RBFOX1: variants seen among roughly 807,000 people sequenced by gnomAD.
RBFOX1 encodes the protein RNA binding fox-1 homolog 1, also known as RNA binding protein fox-1 homolog 1.
Under a neutral mutation model 57.7 loss-of-function variants are expected in RBFOX1, and 8 were observed. The ratio of observed to expected loss-of-function variants is 0.14; its 90% CI spans 0.08 to 0.25. The LOEUF is 0.25. Among genes scored for constraint, RBFOX1 ranks in the 10% least tolerant of loss-of-function variants. RBFOX1 has a pLI of 1.00. For synonymous variants in RBFOX1, 326 were observed against 222.4 expected (o/e 1.47, Z -4.15); for missense variants, 611 against 548.5 (o/e 1.11, Z -1.14).
chr16:6,924,942 GT>G (rs2075264853), intron 3 of RBFOX1, among the ~76,000 whole-genome samples: 1 of 147,848 alleles, frequency 6.8e-6, no homozygotes, highest in African/African-American at 2.5e-5. Flanking sequence ...GCGGTGTTTG[GT>G]TTTTTGCCCT....
At chr16:6,922,302 C>A (rs368797421) in intron 3 of RBFOX1, among the ~76,000 whole-genome samples, 1 of 152,088 alleles carries the variant, frequency 6.6e-6, no homozygotes, top group African/African-American at 2.4e-5. Flanking sequence ...TTGGAAAGCA[C>A]TGGTTTTCAG....
chr16:7,642,497 C>T (rs573968567), intron 11 of RBFOX1, among the ~76,000 whole-genome samples: 93 of 152,202 alleles, frequency 6.1e-4, no homozygotes, highest in African/African-American at 2.1e-3. Flanking sequence ...CTGCGTCAGC[C>T]CAAGAGAACC....
intron 3 of RBFOX1, among the ~76,000 whole-genome samples, chr16:6,701,038 G>T (rs182015999): frequency 3.3e-5 from 5 of 152,212 alleles, no homozygotes; most frequent in Admixed American, 1.3e-4. Context: ...TGGGCAGAGG[G>T]GGGGGTGAGT....
At chr16:7,025,816 G>A (rs997459964) in intron 3 of RBFOX1, among the ~76,000 whole-genome samples, 1 of 152,120 alleles carries the variant, frequency 6.6e-6, no homozygotes, top group South Asian at 2.1e-4. Context: ...TCAAACTGGA[G>A]CAGCCATATC....
At chr16:5,533,443 C>T (rs925464253) in intron 2 of RBFOX1, among the ~76,000 whole-genome samples, 19 of 152,128 alleles carry the variant, frequency 1.2e-4, no homozygotes, top group African/African-American at 4.3e-4. Flanking sequence ...TGCAGGCACA[C>T]TGAGAGGGGT....
At chr16:6,751,725 C>T (rs987948025) in intron 3 of RBFOX1, among the ~76,000 whole-genome samples, 9 of 152,096 alleles carry the variant, frequency 5.9e-5, no homozygotes, top group African/African-American at 1.9e-4. Flanking sequence ...GAGCCAGAAG[C>T]GGCATTTCCA....
At chr16:6,352,934 G>A (rs1469677581) in intron 2 of RBFOX1, among the ~76,000 whole-genome samples, 2 of 152,170 alleles carry the variant, frequency 1.3e-5, no homozygotes, top group African/African-American at 4.8e-5. Flanking sequence ...TTTAAAGCGG[G>A]AGAGTGGTTC....
intron 3 of RBFOX1, among the ~76,000 whole-genome samples, chr16:5,637,765 C>G (rs533115120): frequency 4.6e-5 from 7 of 152,250 alleles, no homozygotes; most frequent in Non-Finnish European, 7.4e-5. Context: ...AGAGAGCTCA[C>G]ATTCCCATGC....
At chr16:5,669,384 G>A (rs560944993) in intron 3 of RBFOX1, among the ~76,000 whole-genome samples, 30 of 149,968 alleles carry the variant, frequency 2.0e-4, no homozygotes, top group African/African-American at 6.4e-4. Flanking sequence ...AAACCCACCC[G>A]TAGAGCAGTC....
intron 2 of RBFOX1, among the ~76,000 whole-genome samples, chr16:6,519,202 G>C (rs901337006): frequency 6.6e-6 from 1 of 152,060 alleles, no homozygotes; most frequent in Non-Finnish European, 1.5e-5. Flanking sequence ...AATGGAATTG[G>C]TAATACCTGC....
intron 3 of RBFOX1, among the ~76,000 whole-genome samples, chr16:7,040,089 C>T (rs571342973): frequency 7.2e-4 from 110 of 151,880 alleles, no homozygotes; most frequent in Non-Finnish European, 1.4e-3. Flanking sequence ...GACATGATCT[C>T]AGCTCACTGC....
intron 4 of RBFOX1, among the ~76,000 whole-genome samples, chr16:7,322,211 A>G (rs1200286625): frequency 2.6e-5 from 4 of 152,204 alleles, no homozygotes; most frequent in Admixed American, 6.5e-5. Context: ...TAGTTATCGG[A>G]CAAGGGAATG....
At chr16:7,292,081 G>C (rs928153147) in intron 4 of RBFOX1, among the ~76,000 whole-genome samples, 1 of 73,742 alleles carries the variant, frequency 1.4e-5, no homozygotes, top group Non-Finnish European at 2.6e-5. Context: ...TAGAATATAT[G>C]ATGTATAATA....
chr16:7,636,734 C>T (rs999950490), intron 11 of RBFOX1, among the ~76,000 whole-genome samples: 1 of 152,046 alleles, frequency 6.6e-6, no homozygotes, highest in African/African-American at 2.4e-5. Flanking sequence ...GGCTGGAAGT[C>T]CAAGATCAGG....
intron 2 of RBFOX1, among the ~76,000 whole-genome samples, chr16:6,580,591 G>C (rs552129441): frequency 3.9e-5 from 6 of 152,216 alleles, no homozygotes; most frequent in Non-Finnish European, 5.9e-5. Flanking sequence ...AATGTCACAG[G>C]GGGGGATGCA....
At chr16:5,506,884 T>A (rs2151711539) in intron 2 of RBFOX1, among the ~76,000 whole-genome samples, 1 of 152,264 alleles carries the variant, frequency 6.6e-6, no homozygotes, top group Admixed American at 6.5e-5. Flanking sequence ...ACCCTCCATT[T>A]GCATTTCCCC....
chr16:5,618,179 T>A (rs2048096864), intron 3 of RBFOX1, among the ~76,000 whole-genome samples: 1 of 152,224 alleles, frequency 6.6e-6, no homozygotes, highest in African/African-American at 2.4e-5. Context: ...CTGTCGTCTC[T>A]TTCCTTTGGT....
intron 3 of RBFOX1, among the ~76,000 whole-genome samples, chr16:5,705,792 G>C (rs2051223399): frequency 6.6e-6 from 1 of 152,224 alleles, no homozygotes; most frequent in Admixed American, 6.5e-5. Flanking sequence ...CCGCATCTGT[G>C]TGCGAGGCCT....
At chr16:5,498,052 GGAGT>G (rs1454840343) in intron 2 of RBFOX1, among the ~76,000 whole-genome samples, 3 of 152,186 alleles carry the variant, frequency 2.0e-5, no homozygotes, top group Non-Finnish European at 4.4e-5. Flanking sequence ...CAGAGTGGCT[GGAGT>G]GAGTGAGCTT....
Sources: gnomAD v4.1 joint callset for allele counts (sites outside exome capture counted in the v4.1 genomes callset) on GRCh38, gnomAD v4.1.1 for gene constraint, MANE v1.5 for transcripts, NCBI Gene and HGNC (gene_info 2026-07-23, HGNC 2026-07-21) for gene names.